Variants in GLRA2 observed in about 807,000 individuals in gnomAD.
GLRA2 encodes glycine receptor subunit alpha-2.
GLRA2 carries 11 observed loss-of-function variants against 31.6 expected under a neutral mutation model. The observed-to-expected ratio is 0.35, with a 90% CI of 0.22 to 0.58. The LOEUF is 0.58. Among genes scored for constraint, GLRA2 ranks in the 20% least tolerant of loss-of-function variants. GLRA2 has a pLI of 0.84. For missense variants in GLRA2, 212 were observed against 351.8 expected (o/e 0.60, Z 3.18); for synonymous variants, 132 against 134.0 (o/e 0.99, Z 0.10).
intron 2 of GLRA2, among the ~76,000 whole-genome samples, chrX:14,567,583 T>G (rs1408159344): frequency 1.8e-5 from 2 of 112,121 alleles, no homozygotes; most frequent in African/African-American, 6.5e-5. Flanking sequence ...AATAAGACAA[T>G]ACCTGCCTTC....
chrX:14,543,236 CAAAAAAA>C (rs60906048), intron 2 of GLRA2, among the ~76,000 whole-genome samples: 1 of 23,372 alleles, frequency 4.3e-5, no homozygotes, highest in Non-Finnish European at 7.8e-5. Context: ...TTGTCATCTG[CAAAAAAA>C]AAAAAAAAAA....
chrX:14,680,633 G>A (rs774450403), intron 7 of GLRA2, among the ~76,000 whole-genome samples: 1 of 111,738 alleles, frequency 8.9e-6, no homozygotes, highest in Non-Finnish European at 1.9e-5. Context: ...CCAGCACCAA[G>A]GAACATCACA....
At chrX:14,584,567 A>G (rs191778849) in intron 4 of GLRA2, among the ~76,000 whole-genome samples, 128 of 112,121 alleles carry the variant, frequency 1.1e-3, no homozygotes, top group Non-Finnish European at 1.7e-3. Context: ...GACAGCCCCA[A>G]TGTCTTGTGG....
At chrX:14,548,144 C>T (rs776965791) in intron 2 of GLRA2, among the ~76,000 whole-genome samples, 2 of 111,613 alleles carry the variant, frequency 1.8e-5, no homozygotes, top group African/African-American at 3.3e-5. Context: ...GAATAGAAAA[C>T]AGCCAGAATT....
intron 4 of GLRA2, among the ~76,000 whole-genome samples, chrX:14,587,865 G>A (rs1457488514): frequency 1.8e-5 from 2 of 110,405 alleles, no homozygotes; most frequent in Non-Finnish European, 3.8e-5. Context: ...AATTTTCCAA[G>A]GCCAGTGTCA....
chrX:14,518,792 C>T, the GLRA2 span, among the ~76,000 whole-genome samples: 15 of 106,334 alleles, frequency 1.4e-4, no homozygotes, highest in Non-Finnish European at 2.9e-4. Flanking sequence ...GGACCGATCA[C>T]GAGGTCAGGA....
intron 2 of GLRA2, among the ~76,000 whole-genome samples, chrX:14,541,587 T>A (rs751221510): frequency 1.3e-4 from 15 of 111,728 alleles, no homozygotes; most frequent in Non-Finnish European, 2.3e-4. Context: ...CAGTCAAGAT[T>A]TCTTTTATCA....
intron 7 of GLRA2, among the ~76,000 whole-genome samples, chrX:14,664,838 C>T (rs1034122407): frequency 9.0e-6 from 1 of 111,525 alleles, no homozygotes; most frequent in Non-Finnish European, 1.9e-5. Flanking sequence ...GGGAAGGAGA[C>T]ACTGGGAAGA....
chrX:14,518,085 G>A, the GLRA2 span, among the ~76,000 whole-genome samples: 1 of 111,053 alleles, frequency 9.0e-6, no homozygotes, highest in East Asian at 2.8e-4. Flanking sequence ...GAACACAAAT[G>A]GTCAGTAAAC....
intron 8 of GLRA2, among the ~76,000 whole-genome samples, chrX:14,702,826 G>T (rs148995227): frequency 9.0e-6 from 1 of 111,499 alleles, no homozygotes; most frequent in Middle Eastern, 4.6e-3. Flanking sequence ...CTTGGACAGG[G>T]TTGCGTGAAA....
upstream of GLRA2, among the ~76,000 whole-genome samples, chrX:14,524,686 T>C (rs746662533): frequency 2.3e-4 from 26 of 111,644 alleles, no homozygotes; most frequent in African/African-American, 6.5e-4. Flanking sequence ...CTTTTGACTC[T>C]TTCTTTGAGG....
chrX:14,640,114 A>G (rs2090756849), intron 7 of GLRA2, among the ~76,000 whole-genome samples: 1 of 111,182 alleles, frequency 9.0e-6, no homozygotes, highest in Non-Finnish European at 1.9e-5. Context: ...AAATTGATAT[A>G]ATTTTTAATG....
the GLRA2 span, among the ~76,000 whole-genome samples, chrX:14,452,887 C>T: frequency 2.7e-5 from 3 of 112,016 alleles, no homozygotes; most frequent in Admixed American, 2.8e-4. Context: ...TTTTCCTCGC[C>T]TTTCTCATCT....
At chrX:14,708,792 C>T (rs999351023) in intron 8 of GLRA2, among the ~76,000 whole-genome samples, 2 of 111,259 alleles carry the variant, frequency 1.8e-5, no homozygotes, top group African/African-American at 6.5e-5. Context: ...CAAAATTAGC[C>T]GGGCACGGTG....
the GLRA2 span, among the ~76,000 whole-genome samples, chrX:14,520,341 G>A: frequency 8.9e-6 from 1 of 112,213 alleles, no homozygotes; most frequent in Admixed American, 9.5e-5. Context: ...ATCATCTTTA[G>A]AATTGTAGCA....
the GLRA2 span, among the ~76,000 whole-genome samples, chrX:14,483,723 TACTGAG>T: frequency 6.2e-5 from 7 of 112,140 alleles, no homozygotes; most frequent in African/African-American, 2.3e-4. Context: ...TGATGGTTAA[TACTGAG>T]TGTCAACTTG....
chrX:14,720,699 A>G lies in GLRA2; in HGVS notation c.1081-9508A>G, dbSNP rs956587990. 7.2e-5 allele frequency among the ~76,000 whole-genome samples: 8 copies of G among 111,822 alleles called. No individual in the cohort carries two copies. In the East Asian group the frequency reaches 2.2e-3, roughly 31 times the overall value. ...CTATTTGAAACATCTTTCTTTTTCT[A>G]TAAGAAGGGGCACTTGTTTGCCACT... is the stretch of plus-strand genomic sequence containing the variant. On this transcript the variant is annotated intron_variant, in intron 8 of 8. Coordinates refer to ENST00000218075, the MANE Select transcript of GLRA2 (RefSeq NM_002063.4).
chrX:14,610,540 C>A (rs1329418403), intron 7 of GLRA2, among the ~76,000 whole-genome samples: 3 of 111,903 alleles, frequency 2.7e-5, no homozygotes, highest in Non-Finnish European at 5.7e-5. Context: ...CCTGTATAAT[C>A]AAAAATCAAT....
At chrX:14,713,628 G>C (rs907861948) in intron 8 of GLRA2, among the ~76,000 whole-genome samples, 1 of 111,641 alleles carries the variant, frequency 9.0e-6, no homozygotes, top group African/African-American at 3.3e-5. Flanking sequence ...ATCCAAAGAA[G>C]AGTGAAAAAT....
Sources: gnomAD v4.1 joint callset for allele counts (sites outside exome capture counted in the v4.1 genomes callset) on GRCh38, gnomAD v4.1.1 for gene constraint, MANE v1.5 for transcripts, NCBI Gene and HGNC (gene_info 2026-07-23, HGNC 2026-07-21) for gene names.